Variants in ZNF841 observed in about 807,000 individuals in gnomAD.
ZNF841 encodes zinc finger protein 841.
In ZNF841, 11 loss-of-function variants were observed where a neutral mutation model predicts 13.0. That is an observed-to-expected ratio of 0.85 (90% CI 0.53 to 1.40). The LOEUF is 1.40. Among genes scored for constraint, ZNF841 ranks in the 40% most tolerant of loss-of-function variants. The pLI, the probability that ZNF841 is intolerant of heterozygous loss-of-function variation, is 0.00. For missense variants in ZNF841, 1,068 were observed against 1,139.5 expected (o/e 0.94, Z 0.90); for synonymous variants, 369 against 381.6 (o/e 0.97, Z 0.38).
rs566061582 is a variant in ZNF841, at chr19:52,072,328, A to T, written c.271+3716T>A. ...AGAACCTAAACTATATATCAAGTTG[A>T]ACCTAACCTATATATGCATAACACA... On this transcript the variant is annotated intron_variant, in intron 6 of 6. Transcript: ENST00000594440. Among the ~76,000 whole-genome samples the T allele has an allele frequency of 2.0e-3, 306 of 152,332 alleles. 1 individual carries two copies. Among genetic ancestry groups the T allele is most frequent in the African/African-American group, 7.1e-3 (296 of 41,576 alleles).
intron 2 of ZNF841, among the ~76,000 whole-genome samples, chr19:52,091,198 C>A (rs1384002193): frequency 6.6e-6 from 1 of 152,068 alleles, no homozygotes; most frequent in African/African-American, 2.4e-5. Context: ...GAAGAACACA[C>A]AAAGAAATGG....
intron 1 of ZNF841, among the ~76,000 whole-genome samples, chr19:52,094,963 G>T (rs977871108): frequency 6.6e-6 from 1 of 151,882 alleles, no homozygotes; most frequent in Non-Finnish European, 1.5e-5. Flanking sequence ...CCATTTTGCC[G>T]TGTATTTATG....
chr19:52,091,893 T>G (rs1371862743), intron 2 of ZNF841, among the ~76,000 whole-genome samples: 1 of 152,182 alleles, frequency 6.6e-6, no homozygotes, highest in Non-Finnish European at 1.5e-5. Context: ...CTCATGCCTG[T>G]AATCCCAGCA....
intron 6 of ZNF841, 50 bp downstream of exon 6, chr19:52,075,994 C>T (rs181050237): frequency 3.5e-4 from 538 of 1,546,260 alleles, no homozygotes; most frequent in Non-Finnish European, 4.4e-4. Context: ...CAGAGTCTTA[C>T]GCACACAATT....
rs766703074 is a variant in ZNF841, at chr19:52,067,033, A to T, written c.849T>A (p.His283Gln). 6 of 1,613,726 alleles carry T rather than the reference A, an allele frequency of 3.7e-6. No individual in the cohort carries two copies. The highest frequency in any genetic ancestry group is 5.1e-6 in the Non-Finnish European group (6 of 1,179,776). Residue 283 changes from histidine (H) to glutamine (Q), a missense_variant, in exon 7 of 7, where the codon CAT becomes CAA. By Grantham distance (24) the His-to-Gln change is conservative. Transcript: ENST00000594440. ...TGCATCTGTAAGGTTTCTCTGTAGT[A>T]TGTATCATCTGATGATTAATAAGAC... ...SSSLINHQMI[H>Q]TTEKPYRCNE...
chr19:52,073,075 C>T (rs2087786856), intron 6 of ZNF841, among the ~76,000 whole-genome samples: 1 of 151,942 alleles, frequency 6.6e-6, no homozygotes, highest in South Asian at 2.1e-4. Flanking sequence ...CCAACTGATC[C>T]TTGATAGTCA....
At chr19:52,060,964 A>G (rs138149972), downstream of ZNF841, among the ~76,000 whole-genome samples, 1 of 152,314 alleles carries the variant, frequency 6.6e-6, no homozygotes, top group Non-Finnish European at 1.5e-5. Flanking sequence ...TTATTGCCTA[A>G]GTTGAGAGCG....
At chr19:52,087,327 G>C (rs1414666191) in intron 3 of ZNF841, among the ~76,000 whole-genome samples, 1 of 152,162 alleles carries the variant, frequency 6.6e-6, no homozygotes, top group Non-Finnish European at 1.5e-5. Context: ...ATTAAGCCTA[G>C]TATTCATAAG....
the ZNF841 span, chr19:52,058,928 A>G: frequency 1.3e-5 from 2 of 153,150 alleles, no homozygotes; most frequent in African/African-American, 2.4e-5. Flanking sequence ...AATAATTGTT[A>G]TTATTATTAT....
At chr19:52,082,444 T>C (rs976923710) in intron 4 of ZNF841, among the ~76,000 whole-genome samples, 4 of 152,196 alleles carry the variant, frequency 2.6e-5, no homozygotes, top group African/African-American at 9.6e-5. Flanking sequence ...AAATTAAAGA[T>C]TCAATCAAAA....
At chr19:52,084,665 TG>T in intron 4 of ZNF841, 121 bp downstream of exon 4, 1 of 1,044,918 alleles carries the variant, frequency 9.6e-7, no homozygotes, top group Non-Finnish European at 1.4e-6. Flanking sequence ...AAGGAAGGCA[TG>T]GGTGAGTGCG....
chr19:52,077,339 T>C (rs1185542178), intron 4 of ZNF841, among the ~76,000 whole-genome samples: 1 of 152,214 alleles, frequency 6.6e-6, no homozygotes, highest in Non-Finnish European at 1.5e-5. Context: ...TGGTTATCCC[T>C]ATGAAAGTTT....
chr19:52,059,645 C>G (rs975617972), downstream of ZNF841, among the ~76,000 whole-genome samples: 13 of 151,886 alleles, frequency 8.6e-5, no homozygotes, highest in Non-Finnish European at 1.2e-4. Flanking sequence ...GAAACCTCAT[C>G]TCTACAAAAA....
At chr19:52,059,537 GCT>G (rs539366546), downstream of ZNF841, among the ~76,000 whole-genome samples, 248 of 151,776 alleles carry the variant, frequency 1.6e-3, 2 homozygotes, top group African/African-American at 5.7e-3. Flanking sequence ...GGAAGCAAAA[GCT>G]CTGTTACTAA....
chr19:52,059,283 G>A, the ZNF841 span, among the ~76,000 whole-genome samples: 10 of 146,396 alleles, frequency 6.8e-5, no homozygotes, highest in African/African-American at 2.6e-4. Flanking sequence ...CCGAGAGGTG[G>A]AGCTTGAAGT....
rs10601632 is a variant in ZNF841, at chr19:52,094,376, ATG to A, written c.-269-407_-269-406del. 6.0e-3 allele frequency among the ~76,000 whole-genome samples: 910 copies of A among 152,162 alleles called. 10 individuals are homozygous for A. The highest frequency in any genetic ancestry group is 0.021 in the African/African-American group (870 of 41,508). On this transcript the variant is annotated intron_variant, in intron 1 of 6. Coordinates refer to ENST00000594440, the MANE Select transcript of ZNF841 (RefSeq NM_001136499.2). ...GTCCTCTCCCGCTTTCTTCACGGCTATGTGTTTCCCTCTCTCATTCTGAGCGT... is the reference window on the plus strand; with the variant it reads ...GTCCTCTCCCGCTTTCTTCACGGCTATGTTTCCCTCTCTCATTCTGAGCGT...
chr19:52,089,662 A>G (rs1007843029), intron 2 of ZNF841, among the ~76,000 whole-genome samples: 1 of 142,674 alleles, frequency 7.0e-6, no homozygotes, highest in Non-Finnish European at 1.5e-5. Flanking sequence ...GGCATTCCAA[A>G]ATGATCCATG....
Position 52,066,560 on chromosome 19 carries a change from T to A in ZNF841, c.1322A>T (p.Asn441Ile), listed in dbSNP as rs773440212. 1.2e-6 allele frequency: 2 copies of A among 1,613,634 alleles called. No homozygotes were observed. Among genetic ancestry groups the A allele is most frequent in the Non-Finnish European group, 1.7e-6 (2 of 1,179,776 alleles). The part of the protein sequence containing the change: ...CDVCGKVFYQ[N>I]SQLVRHQIIH... The stretch of plus-strand genomic sequence containing the variant: ...TATCTGGTGCCTTACAAGTTGTGAA[T>A]TCTGATAAAAGACCTTGCCACATAC... Residue 441 changes from asparagine (N) to isoleucine (I), a missense_variant, in exon 7 of 7, where the codon AAT becomes ATT. Coordinates refer to ENST00000594440, the MANE Select transcript of ZNF841 (RefSeq NM_001136499.2).
chr19:52,090,544 A>G (rs1199453727), intron 2 of ZNF841, among the ~76,000 whole-genome samples: 1 of 151,480 alleles, frequency 6.6e-6, no homozygotes, highest in Admixed American at 6.6e-5. Context: ...ACCTGCAGTG[A>G]GGTATGATCG....
Sources: gnomAD v4.1 joint callset for allele counts (sites outside exome capture counted in the v4.1 genomes callset) on GRCh38, gnomAD v4.1.1 for gene constraint, MANE v1.5 for transcripts, NCBI Gene and HGNC (gene_info 2026-07-23, HGNC 2026-07-21) for gene names.